The following TP53I3 variants were observed in gnomAD, a reference collection of about 807,000 sequenced individuals.
TP53I3 encodes tumor protein p53 inducible protein 3.
TP53I3 carries 32 observed loss-of-function variants against 27.7 expected under a neutral mutation model. That is an observed-to-expected ratio of 1.16 (90% CI 0.87 to 1.55). The LOEUF (loss-of-function observed/expected upper bound fraction) is 1.55. Among genes scored for constraint, TP53I3 ranks in the 40% most tolerant of loss-of-function variants. The pLI is 0.00. For missense variants in TP53I3, 372 were observed against 412.3 expected (o/e 0.90, Z 0.85); for synonymous variants, 138 against 167.8 (o/e 0.82, Z 1.37).
At chr2:24,079,344 A>T (rs879107206) in intron 4 of TP53I3, 100 bp downstream of exon 4, 2 of 1,316,360 alleles carry the variant, frequency 1.5e-6, no homozygotes, top group South Asian at 2.9e-5. Context: ...ATAGAAACTA[A>T]CCTCCGTAAT....
At chr2:24,083,217 C>T in intron 1 of TP53I3, 65 bp from the exon 2 acceptor site, 2 of 1,481,742 alleles carry the variant, frequency 1.3e-6, no homozygotes, top group Non-Finnish European at 1.8e-6. Flanking sequence ...CTACCCCTGG[C>T]CCCCCTTCCA....
chr2:24,084,187 A>T lies in TP53I3; in HGVS notation c.138+2T>A, dbSNP rs983573457. ...GCCCCGGCGCGGCTGAGCCCTGGGT[A>T]CCTGCATTAAGTCCGCCCGGTTCAG... On this transcript the variant is annotated splice_donor_variant, in intron 1 of 4. Transcript: ENST00000238721. LOFTEE classifies it high-confidence loss of function. The surrounding 1 kb of genome is among the most constrained non-coding windows in gnomAD (Gnocchi z 8.4). 62 of 1,610,670 alleles carry T rather than the reference A, an allele frequency of 3.8e-5. No individual in the cohort carries two copies. The highest frequency in any genetic ancestry group is 4.9e-5 in the Non-Finnish European group (58 of 1,178,972).
intron 1 of TP53I3, among the ~76,000 whole-genome samples, chr2:24,083,874 TG>T (rs1158823927): frequency 6.6e-6 from 1 of 152,144 alleles, no homozygotes; most frequent in Non-Finnish European, 1.5e-5. Context: ...TTTCCTTATC[TG>T]TAGAATTAAG....
At position 24,083,044 on chromosome 2, in the gene TP53I3, C is replaced by T. The variant is rs768676044; in HGVS notation, c.247G>A (p.Gly83Arg). Residue 83 changes from glycine to arginine, a missense_variant, in exon 2 of 5, where the codon GGG becomes AGG. Gly to Arg is a moderately radical substitution (Grantham distance 125, BLOSUM62 -2). Transcript: ENST00000238721. ...GGGAGCAGAGCCATGGCTGTGTCCC[C>T]GATCTTCCAGTGTCCCTGGCAGCCA... ...GPGCQGHWKI[G>R]DTAMALLPGG... The T allele has an allele frequency of 1.2e-5, 20 of 1,614,030 alleles. No homozygotes were observed. Among genetic ancestry groups the T allele is most frequent in the Middle Eastern group, 1.6e-4 (1 of 6,084 alleles).
chr2:24,078,560 GAA>G (rs1304385028), intron 4 of TP53I3, among the ~76,000 whole-genome samples: 1 of 151,316 alleles, frequency 6.6e-6, no homozygotes, highest in African/African-American at 2.4e-5. Flanking sequence ...AGAGCCAGCT[GAA>G]GAGACCACAT....
At chr2:24,079,088 T>A in intron 4 of TP53I3, 1 of 190,224 alleles carries the variant, frequency 5.3e-6, no homozygotes, top group South Asian at 1.1e-4. Flanking sequence ...GCTTACTTAT[T>A]TTTTTACTCA....
Position 24,084,292 on chromosome 2 carries a change from G to A in TP53I3, c.35C>T (p.Pro12Leu). 6.2e-7 allele frequency: 1 copy of A among 1,614,088 alleles called. No homozygotes were observed. Among genetic ancestry groups the A allele is most frequent in the East Asian group, 2.2e-5 (1 of 44,872 alleles). Reference sequence around the variant, plus strand: ...CACCTCCTTCACGTAGAGGTTTTCCGGTCCTCCCGGCTTGTCAAAGTGCAC... The same window carrying A: ...CACCTCCTTCACGTAGAGGTTTTCCAGTCCTCCCGGCTTGTCAAAGTGCAC... Reference protein sequence around the residue: ...LAVHFDKPGGPENLYVKEVAK... With the variant: ...LAVHFDKPGGLENLYVKEVAK... The change falls in exon 1 of 5, where the codon CCG becomes CTG. Residue 12 changes from proline (P) to leucine (L), a missense_variant. Physicochemically the swap from Pro to Leu is moderately conservative, Grantham distance 98 (BLOSUM62 -3). Transcript: ENST00000238721. This position sits in a 1 kb window ranked among gnomAD's most constrained non-coding sequence, Gnocchi z 8.4.
In TP53I3 at chr2:24,077,684, C is replaced by A; in HGVS notation, c.894G>T (p.Leu298=). ...CTGGGTAGATTCTGTCCAGAACCGG[C>A]AGCAGACGTTGGGGGCCCTCCGTGG... ...HFSTEGPQRL[L]PVLDRIYPVT... is the part of the protein sequence containing the mutation. The change falls in exon 5 of 5, where the codon CTG becomes CTT. Residue 298 remains leucine, a synonymous_variant. Coordinates refer to ENST00000238721, the MANE Select transcript of TP53I3 (RefSeq NM_004881.5). This position sits in a 1 kb window ranked among gnomAD's most constrained non-coding sequence, Gnocchi z 5.5. 2 of 1,614,124 alleles carry A rather than the reference C, an allele frequency of 1.2e-6. No individual in the cohort carries two copies. Among genetic ancestry groups the A allele is most frequent in the Non-Finnish European group, 1.7e-6 (2 of 1,179,990 alleles).
chr2:24,084,167 G>A lies in TP53I3; in HGVS notation c.138+22C>T. 6.3e-7 allele frequency: 1 copy of A among 1,598,240 alleles called. No homozygotes were observed. On this transcript the variant is annotated intron_variant, in intron 1 of 4. Coordinates refer to ENST00000238721, the MANE Select transcript of TP53I3 (RefSeq NM_004881.5). This position sits in a 1 kb window ranked among gnomAD's most constrained non-coding sequence, Gnocchi z 8.4. The stretch of plus-strand genomic sequence containing the variant: ...GAGGCTCTGGAGTCCCGCCCGCCCC[G>A]GCGCGGCTGAGCCCTGGGTACCTGC...
In TP53I3 at chr2:24,077,548, G is replaced by A. The variant is rs1664804230; in HGVS notation, c.*31C>T. ...CAGGTTTGCTCTGGAAAGGCCTGGG[G>A]TGGCCGCGTCCTGTCCTGCCCCATC... On this transcript the variant is annotated 3_prime_UTR_variant, in exon 5 of 5. Transcript: ENST00000238721. This position sits in a 1 kb window ranked among gnomAD's most constrained non-coding sequence, Gnocchi z 5.5. 8.8e-6 allele frequency: 14 copies of A among 1,592,966 alleles called. No homozygotes were observed. Among genetic ancestry groups the A allele is most frequent in the Non-Finnish European group, 1.1e-5 (13 of 1,170,488 alleles).
chr2:24,079,599 A>G lies in TP53I3; in HGVS notation c.661T>C (p.Tyr221His). The change falls in exon 4 of 5, where the codon TAC becomes CAC. Residue 221 changes from tyrosine (Y) to histidine (H), a missense_variant. Physicochemically the swap from Tyr to His is moderately conservative, Grantham distance 83. Coordinates refer to ENST00000238721, the MANE Select transcript of TP53I3 (RefSeq NM_004881.5). ...NLILDCIGGS[Y>H]WEKNVNCLAL... Reference sequence around the variant, plus strand: ...AGGCAGTTGACGTTCTTCTCCCAGTAGGATCCGCCTATGCAGTCTAGAATA... The same window carrying G: ...AGGCAGTTGACGTTCTTCTCCCAGTGGGATCCGCCTATGCAGTCTAGAATA... 6.2e-7 allele frequency: 1 copy of G among 1,614,156 alleles called. No individual in the cohort carries two copies. Among genetic ancestry groups the G allele is most frequent in the Non-Finnish European group, 8.5e-7 (1 of 1,180,018 alleles).
intron 2 of TP53I3, 69 bp from the exon 3 acceptor site, chr2:24,081,100 A>G: frequency 2.2e-6 from 3 of 1,370,346 alleles, no homozygotes; most frequent in South Asian, 1.5e-5. Flanking sequence ...GGCATATTCT[A>G]TCAAGATCAC....
Position 24,080,793 on chromosome 2 carries a change from G to C in TP53I3, c.619+26C>G. ...TTATTTAATCATCTCTTAAATTCCT[G>C]CTGAACTGTAGAAGCAGTTGTTTAC... is the stretch of plus-strand genomic sequence containing the variant. On this transcript the variant is annotated intron_variant, in intron 3 of 4. Transcript: ENST00000238721. The surrounding 1 kb of genome is among the most constrained non-coding windows in gnomAD (Gnocchi z 4.7). The C allele has an allele frequency of 1.9e-6, 3 of 1,612,914 alleles. No homozygotes were observed. The highest frequency in any genetic ancestry group is 2.5e-6 in the Non-Finnish European group (3 of 1,179,070).
rs756826462 is a variant in TP53I3, at chr2:24,084,355, G to GCAGGACAGGA, written c.-39_-30dup. 8 of 1,376,130 alleles carry GCAGGACAGGA rather than the reference G, an allele frequency of 5.8e-6. No homozygotes were observed. In the East Asian group the frequency reaches 2.1e-4, roughly 35 times the overall value. The allele number at this position is 1,376,130 out of a possible 1,614,324, so 85.2% of individuals were successfully genotyped here. A position where few individuals can be genotyped will look rare whatever the true frequency, so the allele number is the denominator to read the frequency against. On this transcript the variant is annotated 5_prime_UTR_variant, in exon 1 of 5. Transcript: ENST00000238721. This position sits in a 1 kb window ranked among gnomAD's most constrained non-coding sequence, Gnocchi z 8.4. ...GTCTGAGGACACAGGGCAGGGCAGG[G>GCAGGACAGGA]CAGGACAGGACAGGGCAGGGCAGGG...
chr2:24,080,600 C>T lies in TP53I3; in HGVS notation c.619+219G>A. On this transcript the variant is annotated intron_variant, in intron 3 of 4. Coordinates refer to ENST00000238721, the MANE Select transcript of TP53I3 (RefSeq NM_004881.5). The surrounding 1 kb of genome is among the most constrained non-coding windows in gnomAD (Gnocchi z 4.7). ...TGCATGGTCTAAAGTGTGGATGAAT[C>T]TTATCTCTTGCAAGAATGCACATGG... 1.7e-6 allele frequency: 1 copy of T among 600,742 alleles called. No individual in the cohort carries two copies. The highest frequency in any genetic ancestry group is 3.0e-6 in the Non-Finnish European group (1 of 332,558). 37.2% of individuals were successfully genotyped at this position (600,742 alleles called of 1,614,324 possible). A position where few individuals can be genotyped will look rare whatever the true frequency, so the allele number is the denominator to read the frequency against.
At position 24,084,089 on chromosome 2, in the gene TP53I3, G is replaced by T. The variant is rs999342843; in HGVS notation, c.138+100C>A. On this transcript the variant is annotated intron_variant, in intron 1 of 4. Transcript: ENST00000238721. This position sits in a 1 kb window ranked among gnomAD's most constrained non-coding sequence, Gnocchi z 8.4. The stretch of plus-strand genomic sequence containing the variant: ...CCAGCGCAGCTGCCTGCTGGGTGTG[G>T]AGCGGTGCACGCCTTCACGTCTGGT... 2.1e-6 allele frequency: 3 copies of T among 1,458,824 alleles called. No homozygotes were observed. The highest frequency in any genetic ancestry group is 2.7e-6 in the Non-Finnish European group (3 of 1,106,156). The allele number at this position is 1,458,824 out of a possible 1,614,324, so 90.4% of individuals were successfully genotyped here.
Position 24,079,296 on chromosome 2 carries a change from C to T in TP53I3, c.816+148G>A, listed in dbSNP as rs112000851. On this transcript the variant is annotated intron_variant, in intron 4 of 4. Coordinates refer to ENST00000238721, the MANE Select transcript of TP53I3 (RefSeq NM_004881.5). Reference sequence around the variant, plus strand: ...CCAATCTGAATCAGTTCTCTGAAATCGGGTTCCCTCTTTATCTTCAGAGGG... The same window carrying T: ...CCAATCTGAATCAGTTCTCTGAAATTGGGTTCCCTCTTTATCTTCAGAGGG... 3.7e-4 allele frequency: 281 copies of T among 754,012 alleles called. No homozygotes were observed. The African/African-American group carries it at 4.3e-3, about 12-fold the overall frequency. The allele number at this position is 754,012 out of a possible 1,614,324, so 46.7% of individuals were successfully genotyped here. A position where few individuals can be genotyped will look rare whatever the true frequency, so the allele number is the denominator to read the frequency against.
At position 24,083,097 on chromosome 2, in the gene TP53I3, G is replaced by A; in HGVS notation, c.194C>T (p.Ala65Val). The A allele has an allele frequency of 6.2e-7, 1 of 1,614,036 alleles. No homozygotes were observed. The highest frequency in any genetic ancestry group is 8.5e-7 in the Non-Finnish European group (1 of 1,179,942). The change falls in exon 2 of 5, where the codon GCA (alanine) becomes GTA (valine). Residue 65 changes from alanine (A) to valine (V), a missense_variant. Ala to Val is a moderately conservative substitution (Grantham distance 64). Coordinates refer to ENST00000238721, the MANE Select transcript of TP53I3 (RefSeq NM_004881.5). ...PGASNILGLEASGHVAELGPG... is the reference protein window; with the variant it reads ...PGASNILGLEVSGHVAELGPG... ...CCCCAGCTCTGCCACATGTCCAGAT[G>A]CCTCAAGTCCCAAAATGTTGCTGGC...
At chr2:24,081,690 G>GT (rs36028901) in intron 2 of TP53I3, among the ~76,000 whole-genome samples, 4,225 of 137,312 alleles carry the variant, frequency 0.031, 76 homozygotes, top group Non-Finnish European at 0.038. Flanking sequence ...CCTTGATACT[G>GT]TTTTTTTTTT....
Sources: gnomAD v4.1 joint callset for allele counts (sites outside exome capture counted in the v4.1 genomes callset) on GRCh38, gnomAD v4.1.1 for gene constraint, Gnocchi (gnomAD v3.1) non-coding constraint, MANE v1.5 for transcripts, NCBI Gene and HGNC (gene_info 2026-07-23, HGNC 2026-07-21) for gene names.